The following DOCK10 variants were observed in gnomAD, a reference collection of about 807,000 sequenced individuals.
DOCK10 encodes dedicator of cytokinesis protein 10.
A neutral mutation model predicts 280.1 loss-of-function variants in DOCK10; 145 were observed. The observed-to-expected ratio is 0.52, with a 90% CI of 0.45 to 0.59. DOCK10 has a LOEUF of 0.59. Among genes scored for constraint, DOCK10 ranks in the 20% least tolerant of loss-of-function variants. The pLI is 0.00. For synonymous variants in DOCK10, 915 were observed against 942.2 expected (o/e 0.97, Z 0.53); for missense variants, 2,368 against 2,651.7 (o/e 0.89, Z 2.35).
intron 2 of DOCK10, among the ~76,000 whole-genome samples, chr2:224,917,101 CTT>C (rs58223345): frequency 4.4e-4 from 42 of 95,772 alleles, no homozygotes; most frequent in East Asian, 2.3e-3. Flanking sequence ...CTATTGGAAT[CTT>C]TTTTTTTTTT....
rs751270645 is a variant in DOCK10, at chr2:224,786,582, G to A, written c.5655+440C>T. Reference sequence around the variant, plus strand: ...GTGGTAGTTCGAAAATAGGAGAAAAGAAATTGTGTGATAGTAAAATCAAAG... The same window carrying A: ...GTGGTAGTTCGAAAATAGGAGAAAAAAAATTGTGTGATAGTAAAATCAAAG... On this transcript the variant is annotated intron_variant, in intron 50 of 55. Transcript: ENST00000258390. The surrounding 1 kb of genome is among the most constrained non-coding windows in gnomAD (Gnocchi z 4.7). 1.3e-5 allele frequency among the ~76,000 whole-genome samples: 2 copies of A among 152,208 alleles called. No homozygotes were observed. The highest frequency in any genetic ancestry group is 6.5e-5 in the Admixed American group (1 of 15,280).
chr2:224,867,899 C>T (rs772961317), intron 11 of DOCK10, among the ~76,000 whole-genome samples: 1 of 152,142 alleles, frequency 6.6e-6, no homozygotes, highest in East Asian at 1.9e-4. Flanking sequence ...GATGGTCATA[C>T]CATTGGCTGA....
chr2:224,795,182 A>G (rs1692479744), intron 44 of DOCK10, 88 bp from the exon 45 acceptor site: 14 of 1,205,856 alleles, frequency 1.2e-5, no homozygotes, highest in Non-Finnish European at 1.7e-5. Context: ...ATGGCTACGC[A>G]TCACAGTTTG....
At chr2:224,854,276 C>G (rs1195504672) in intron 16 of DOCK10, among the ~76,000 whole-genome samples, 1 of 151,012 alleles carries the variant, frequency 6.6e-6, no homozygotes, top group Non-Finnish European at 1.5e-5. Context: ...TCAGAAATAA[C>G]CAAACAAACC....
chr2:224,909,628 G>A (rs1384643100), intron 3 of DOCK10, among the ~76,000 whole-genome samples: 1 of 152,110 alleles, frequency 6.6e-6, no homozygotes, highest in East Asian at 1.9e-4. Flanking sequence ...AGATAGCAAA[G>A]CCTTAATTCT....
chr2:224,988,543 A>AT (rs1331463074), intron 1 of DOCK10, among the ~76,000 whole-genome samples: 3 of 152,314 alleles, frequency 2.0e-5, no homozygotes, highest in Admixed American at 2.0e-4. Context: ...GCACAGAGAA[A>AT]TTAAGTGATT....
At chr2:224,874,392 G>T (rs1424776401) in intron 9 of DOCK10, 43 bp from the exon 10 acceptor site, 1 of 1,479,998 alleles carries the variant, frequency 6.8e-7, no homozygotes, top group South Asian at 1.2e-5. Flanking sequence ...TAAATATCCA[G>T]ATACAGCCCC....
At chr2:224,886,893 C>CGCCCCCA (rs1553605477) in intron 4 of DOCK10, among the ~76,000 whole-genome samples, 1 of 149,400 alleles carries the variant, frequency 6.7e-6, no homozygotes, top group Non-Finnish European at 1.5e-5. Flanking sequence ...CCAACACCCC[C>CGCCCCCA]CCAAGTAGTA....
chr2:224,923,254 A>G (rs1701869694), intron 2 of DOCK10, among the ~76,000 whole-genome samples: 1 of 152,224 alleles, frequency 6.6e-6, no homozygotes, highest in South Asian at 2.1e-4. Context: ...ATGAAGACAC[A>G]GTGTTGTAGT....
intron 1 of DOCK10, among the ~76,000 whole-genome samples, chr2:224,942,185 G>C (rs1206377928): frequency 6.6e-6 from 1 of 152,192 alleles, no homozygotes; most frequent in Non-Finnish European, 1.5e-5. Context: ...TTAAATTACA[G>C]GTACCCCTCC....
chr2:224,895,679 C>A (rs930648864), intron 4 of DOCK10, among the ~76,000 whole-genome samples: 1 of 152,004 alleles, frequency 6.6e-6, no homozygotes, highest in African/African-American at 2.4e-5. Flanking sequence ...GAATTAATTT[C>A]TATTTTTGTT....
chr2:224,959,673 T>C (rs1704252971), intron 1 of DOCK10, among the ~76,000 whole-genome samples: 1 of 152,210 alleles, frequency 6.6e-6, no homozygotes, highest in Admixed American at 6.5e-5. Context: ...TTTGGGGCTG[T>C]TTTCACACCC....
At position 224,876,227 on chromosome 2, in the gene DOCK10, G is replaced by A; in HGVS notation, c.748-6C>T. On this transcript the variant is annotated splice_polypyrimidine_tract_variant and splice_region_variant and intron_variant, in intron 7 of 55. Coordinates refer to ENST00000258390, the MANE Select transcript of DOCK10 (RefSeq NM_014689.3). The stretch of plus-strand genomic sequence containing the variant: ...TATTTTCTTAGTCTGTTATTCTGTG[G>A]TATAAAAAGAAAGAAAGAAAAAGAG... The A allele has an allele frequency of 6.3e-7, 1 of 1,587,074 alleles. No individual in the cohort carries two copies. The highest frequency in any genetic ancestry group is 8.6e-7 in the Non-Finnish European group (1 of 1,166,056).
intron 1 of DOCK10, among the ~76,000 whole-genome samples, chr2:225,004,579 A>C (rs1706521188): frequency 6.6e-6 from 1 of 152,254 alleles, no homozygotes; most frequent in South Asian, 2.1e-4. Context: ...GAGGTTAAAT[A>C]ACTTCCCAGA....
chr2:224,771,194 T>C (rs1690419693), intron 53 of DOCK10, among the ~76,000 whole-genome samples: 2 of 152,188 alleles, frequency 1.3e-5, no homozygotes, highest in Non-Finnish European at 2.9e-5. Flanking sequence ...GCAATCCATC[T>C]GTCTTGGCCT....
chr2:225,004,350 G>A (rs1003136585), intron 1 of DOCK10, among the ~76,000 whole-genome samples: 1 of 152,252 alleles, frequency 6.6e-6, no homozygotes, highest in African/African-American at 2.4e-5. Flanking sequence ...CACAGGCCAA[G>A]GCATTCTTGG....
intron 4 of DOCK10, 87 bp from the exon 5 acceptor site, chr2:224,886,618 T>C (rs1699301321): frequency 1.0e-6 from 1 of 981,528 alleles, no homozygotes; most frequent in Non-Finnish European, 1.5e-6. Context: ...ATAACAACTA[T>C]GGTGCTGGTG....
At chr2:224,826,783 CT>C (rs1191456085) in intron 27 of DOCK10, among the ~76,000 whole-genome samples, 2 of 142,152 alleles carry the variant, frequency 1.4e-5, no homozygotes, top group African/African-American at 2.6e-5. Context: ...ATCTATCTAT[CT>C]ATCTATCATC....
rs73993945 is a variant in DOCK10, at chr2:224,988,579, T to C, written c.123+53673A>G. 4.7e-3 allele frequency among the ~76,000 whole-genome samples: 718 copies of C among 152,272 alleles called. 8 individuals are homozygous for C. The highest frequency in any genetic ancestry group is 0.016 in the African/African-American group (669 of 41,544). On this transcript the variant is annotated intron_variant, in intron 1 of 55. Coordinates refer to ENST00000258390, the MANE Select transcript of DOCK10 (RefSeq NM_014689.3). Reference sequence around the variant, plus strand: ...CCCTCAGAGAATCACAGCTAGTAAGTGGCAGAATCAGAATTAGAACTGGCA... The same window carrying C: ...CCCTCAGAGAATCACAGCTAGTAAGCGGCAGAATCAGAATTAGAACTGGCA...
Sources: allele counts gnomAD v4.1 joint callset (sites outside exome capture counted in the v4.1 genomes callset), GRCh38; gene constraint gnomAD v4.1.1; non-coding constraint Gnocchi (gnomAD v3.1); transcripts MANE v1.5; gene names NCBI Gene and HGNC (gene_info 2026-07-23, HGNC 2026-07-21).